The following PRORP variants were observed in gnomAD, a reference collection of about 807,000 sequenced individuals.
The protein encoded by PRORP is protein only RNase P catalytic subunit, also known as mitochondrial ribonuclease P catalytic subunit.
In PRORP, 51 loss-of-function variants were observed where a neutral mutation model predicts 59.4. The observed-to-expected ratio is 0.86, with a 90% CI of 0.69 to 1.08. The LOEUF (loss-of-function observed/expected upper bound fraction) is 1.08, where lower values mean the gene tolerates loss of function less well. Ranked by LOEUF, PRORP falls within the 50% of genes least tolerant of loss-of-function variation. The pLI, the probability that PRORP is intolerant of heterozygous loss-of-function variation, is 0.00. For synonymous variants in PRORP, 231 were observed against 245.6 expected (o/e 0.94, Z 0.55); for missense variants, 646 against 690.3 (o/e 0.94, Z 0.72).
rs755801721 is a variant in PRORP at position 35,123,861 on chromosome 14, A to G, written c.616A>G (p.Lys206Glu). Reference sequence around the variant, plus strand: ...CTTTGAAATTATGAAAGCCAGATATAAGACTTTAGAACCTAGAGGTTACAG... The same window carrying G: ...CTTTGAAATTATGAAAGCCAGATATGAGACTTTAGAACCTAGAGGTTACAG... ...DVFEIMKARYKTLEPRGYSLL... is the reference protein window; with the variant it reads ...DVFEIMKARYETLEPRGYSLL... The change falls in exon 2 of 8, where the codon AAG becomes GAG. Residue 206 changes from lysine to glutamate, a missense_variant. Physicochemically the swap from Lys to Glu is moderately conservative, Grantham distance 56. Coordinates refer to ENST00000534898, the MANE Select transcript of PRORP (RefSeq NM_014672.4). 1 of 1,614,138 alleles carries G rather than the reference A, an allele frequency of 6.2e-7. No individual in the cohort carries two copies. The highest frequency in any genetic ancestry group is 2.2e-5 in the East Asian group (1 of 44,884).
chr14:35,254,978 C>T (rs1304209624), intron 5 of PRORP, among the ~76,000 whole-genome samples: 1 of 152,154 alleles, frequency 6.6e-6, no homozygotes, highest in African/African-American at 2.4e-5. Context: ...CTCAGCTCTG[C>T]TGTCACTTCC....
Position 35,274,795 on chromosome 14 carries a change from A to T in PRORP, c.*1229A>T, listed in dbSNP as rs2051273989. ...AACACTATTAATTTCATCATTCAGT[A>T]TATGTGGGCTTTCTAAAATATGCCA... On this transcript the variant is annotated 3_prime_UTR_variant, in exon 8 of 8. Coordinates refer to ENST00000534898, the MANE Select transcript of PRORP (RefSeq NM_014672.4). 1 of 152,222 alleles carries T rather than the reference A, an allele frequency of 6.6e-6. No homozygotes were observed. The highest frequency in any genetic ancestry group is 1.5e-5 in the Non-Finnish European group (1 of 68,040). The allele number at this position is 152,222 out of a possible 1,614,324, so 9.4% of individuals were successfully genotyped here.
chr14:35,157,504 G>A (rs753553403), intron 4 of PRORP, among the ~76,000 whole-genome samples: 8 of 152,236 alleles, frequency 5.3e-5, no homozygotes, highest in South Asian at 2.1e-4. Flanking sequence ...TATGTGATCA[G>A]TGAAGCTAAA....
intron 5 of PRORP, chr14:35,219,378 T>C (rs2049710767): frequency 6.6e-6 from 1 of 152,114 alleles, no homozygotes; most frequent in African/African-American, 2.4e-5. Context: ...TCAGATTTTC[T>C]AAGCCCATTC....
chr14:35,141,485 C>T (rs1056616882), intron 4 of PRORP, among the ~76,000 whole-genome samples: 1 of 144,364 alleles, frequency 6.9e-6, no homozygotes, highest in African/African-American at 2.5e-5. Context: ...CTAGGCTGGT[C>T]TTGAACTCCT....
intron 4 of PRORP, among the ~76,000 whole-genome samples, chr14:35,150,880 T>C (rs1472496318): frequency 2.6e-5 from 4 of 152,194 alleles, no homozygotes; most frequent in East Asian, 1.9e-4. Flanking sequence ...AAAGTCACCT[T>C]TAGGAGGTTG....
At chr14:35,188,792 A>G (rs1330832864) in intron 5 of PRORP, among the ~76,000 whole-genome samples, 3 of 151,856 alleles carry the variant, frequency 2.0e-5, no homozygotes, top group African/African-American at 4.8e-5. Context: ...CCTGGCCAAC[A>G]TGGTGAAACT....
At chr14:35,173,279 G>A (rs1328228078) in intron 4 of PRORP, among the ~76,000 whole-genome samples, 1 of 152,140 alleles carries the variant, frequency 6.6e-6, no homozygotes, top group Non-Finnish European at 1.5e-5. Context: ...ATGACACATT[G>A]CAGAGGCTTT....
At chr14:35,165,810 G>A (rs2048169808) in intron 4 of PRORP, among the ~76,000 whole-genome samples, 1 of 151,994 alleles carries the variant, frequency 6.6e-6, no homozygotes, top group Non-Finnish European at 1.5e-5. Context: ...CTCCTGAATA[G>A]TTGGGATTAC....
At chr14:35,137,013 A>C (rs1370233434) in intron 4 of PRORP, among the ~76,000 whole-genome samples, 1 of 146,020 alleles carries the variant, frequency 6.8e-6, no homozygotes, top group Non-Finnish European at 1.5e-5. Context: ...GTGTGGACTG[A>C]AGGGATACAT....
At chr14:35,214,192 A>G (rs964230839) in intron 5 of PRORP, among the ~76,000 whole-genome samples, 7 of 152,336 alleles carry the variant, frequency 4.6e-5, no homozygotes, top group Admixed American at 3.3e-4. Flanking sequence ...AAGCAAGGGT[A>G]CTTCTCAGAT....
chr14:35,167,949 G>A (rs2048225743), intron 4 of PRORP, among the ~76,000 whole-genome samples: 1 of 152,130 alleles, frequency 6.6e-6, no homozygotes, highest in African/African-American at 2.4e-5. Flanking sequence ...TATTTTCTAA[G>A]GATTAGAAGA....
At chr14:35,201,590 C>A (rs1393459663) in intron 5 of PRORP, among the ~76,000 whole-genome samples, 1 of 151,598 alleles carries the variant, frequency 6.6e-6, no homozygotes, top group East Asian at 1.9e-4. Context: ...TTAGTACTTC[C>A]TTACTCTCTG....
chr14:35,121,884 G>T, upstream of PRORP: 1 of 1,613,970 alleles, frequency 6.2e-7, no homozygotes, highest in Non-Finnish European at 8.5e-7. Flanking sequence ...CCAACGGGCT[G>T]CCCCTCCCAA....
intron 6 of PRORP, among the ~76,000 whole-genome samples, chr14:35,268,278 G>A (rs1474251665): frequency 6.7e-6 from 1 of 149,368 alleles, no homozygotes; most frequent in African/African-American, 2.5e-5. Flanking sequence ...CTGGAAAGCC[G>A]AGGTTGCAGT....
At chr14:35,180,587 AATAATAAAGGTCACTGCAGTGTGTTT>A in intron 4 of PRORP, 57 bp from the exon 5 acceptor site, 3 of 720,344 alleles carry the variant, frequency 4.2e-6, no homozygotes, top group South Asian at 3.3e-5. Flanking sequence ...TTATCAAAAC[AATAATAAAGGTCACTGCAGTGTGTTT>A]ATAATAAAGT....
chr14:35,182,067 C>G (rs986289593), intron 5 of PRORP, among the ~76,000 whole-genome samples: 1 of 151,314 alleles, frequency 6.6e-6, no homozygotes, highest in Non-Finnish European at 1.5e-5. Flanking sequence ...AGTTCGAGAC[C>G]AGCCTGGCTA....
intron 5 of PRORP, among the ~76,000 whole-genome samples, chr14:35,254,064 T>C (rs2138601439): frequency 6.6e-6 from 1 of 150,760 alleles, no homozygotes; most frequent in East Asian, 1.9e-4. Context: ...CTCTCCCACC[T>C]TGAGATATCA....
chr14:35,247,029 AT>A (rs1196419277), intron 5 of PRORP, among the ~76,000 whole-genome samples: 1 of 152,192 alleles, frequency 6.6e-6, no homozygotes, highest in African/African-American at 2.4e-5. Context: ...CCCAATTATT[AT>A]TTCTACTTTA....
Sources: allele counts gnomAD v4.1 joint callset (sites outside exome capture counted in the v4.1 genomes callset), GRCh38; gene constraint gnomAD v4.1.1; transcripts MANE v1.5; gene names NCBI Gene and HGNC (gene_info 2026-07-23, HGNC 2026-07-21).